The following CNTNAP2 variants were observed in gnomAD, a reference collection of about 807,000 sequenced individuals.
CNTNAP2 encodes contactin associated protein 2, also known as contactin-associated protein-like 2.
Under a neutral mutation model 155.2 loss-of-function variants are expected in CNTNAP2, and 98 were observed. That is an observed-to-expected ratio of 0.63 (90% CI 0.54 to 0.75). CNTNAP2 has a LOEUF of 0.75. Ranked by LOEUF, CNTNAP2 falls within the 30% of genes least tolerant of loss-of-function variation. CNTNAP2 has a pLI of 0.00. For synonymous variants in CNTNAP2, 651 were observed against 631.2 expected (o/e 1.03, Z -0.47); for missense variants, 1,727 against 1,688.1 (o/e 1.02, Z -0.40).
rs1799911927 is a variant in CNTNAP2, at chr7:147,903,643, A to G, written c.2177A>G (p.Gln726Arg). ...TGGGGAGGCTCTGGGCCTGGAATCC[A>G]GAAATGTGCCTGCGGCATCGAACGC... is the stretch of plus-strand genomic sequence containing the variant. ...YYWGGSGPGI[Q>R]KCACGIERNC... The change falls in exon 14 of 24, where the codon CAG (glutamine) becomes CGG (arginine). Residue 726 changes from glutamine to arginine, a missense_variant. By Grantham distance (43) the Gln-to-Arg change is conservative (BLOSUM62 1). Coordinates refer to ENST00000361727, the MANE Select transcript of CNTNAP2 (RefSeq NM_014141.6). 2 of 1,614,150 alleles carry G rather than the reference A, an allele frequency of 1.2e-6. No homozygotes were observed. The highest frequency in any genetic ancestry group is 1.3e-5 in the African/African-American group (1 of 75,064).
rs190344027 is a variant in CNTNAP2 at position 147,242,922 on chromosome 7, A to G, written c.1349-57219A>G. ...TCAGGCTACCATTCTTATGTACTTT[A>G]ACATGTTTTGATGAATTTGTGGTCA... On this transcript the variant is annotated intron_variant, in intron 8 of 23. Transcript: ENST00000361727. Among the ~76,000 whole-genome samples the G allele has an allele frequency of 2.8e-3, 405 of 144,652 alleles. 1 individual carries two copies. Among genetic ancestry groups the G allele is most frequent in the African/African-American group, 9.9e-3 (379 of 38,344 alleles). The allele number at this position is 144,652 out of a possible 152,430, so 94.9% of individuals were successfully genotyped here. A position where few individuals can be genotyped will look rare whatever the true frequency, so the allele number is the denominator to read the frequency against.
intron 3 of CNTNAP2, among the ~76,000 whole-genome samples, chr7:146,942,695 T>G (rs1171467650): frequency 2.6e-5 from 4 of 152,254 alleles, no homozygotes; most frequent in East Asian, 3.9e-4. Context: ...TTAAGAAGAA[T>G]AATAAATGAA....
At chr7:147,871,931 G>C (rs75543624) in intron 13 of CNTNAP2, among the ~76,000 whole-genome samples, 1 of 152,024 alleles carries the variant, frequency 6.6e-6, no homozygotes, top group Non-Finnish European at 1.5e-5. Flanking sequence ...CCACTACCTC[G>C]ACATGCTCCT....
At chr7:146,668,393 T>A (rs916994085) in intron 1 of CNTNAP2, among the ~76,000 whole-genome samples, 8 of 151,982 alleles carry the variant, frequency 5.3e-5, no homozygotes, top group African/African-American at 1.9e-4. Flanking sequence ...AGATTTTGCA[T>A]CTGTATTTGT....
At chr7:146,568,616 T>C (rs889079443) in intron 1 of CNTNAP2, among the ~76,000 whole-genome samples, 1 of 152,218 alleles carries the variant, frequency 6.6e-6, no homozygotes, top group African/African-American at 2.4e-5. Context: ...TCTTGTGAAG[T>C]CTGCATACAG....
At chr7:148,353,466 C>T (rs1287034345) in intron 21 of CNTNAP2, among the ~76,000 whole-genome samples, 3 of 152,310 alleles carry the variant, frequency 2.0e-5, no homozygotes, top group African/African-American at 7.2e-5. Flanking sequence ...ACAAAGCAAG[C>T]TTTACTGTGG....
intron 9 of CNTNAP2, among the ~76,000 whole-genome samples, chr7:147,393,482 T>TC (rs1248569248): frequency 7.4e-6 from 1 of 134,494 alleles, no homozygotes; most frequent in African/African-American, 2.9e-5. Context: ...TCCCAATTAT[T>TC]CAAAAAAAAA....
At chr7:147,705,993 T>G (rs1318980506) in intron 13 of CNTNAP2, among the ~76,000 whole-genome samples, 1 of 151,920 alleles carries the variant, frequency 6.6e-6, no homozygotes. Context: ...TTTTTTTTTG[T>G]CTTTTCAGCC....
At chr7:146,181,640 A>G (rs1028564603) in intron 1 of CNTNAP2, among the ~76,000 whole-genome samples, 2 of 152,184 alleles carry the variant, frequency 1.3e-5, no homozygotes, top group Non-Finnish European at 2.9e-5. Flanking sequence ...TCAGATGAAC[A>G]TTCAAAATAA....
chr7:146,204,432 G>A (rs923376295), intron 1 of CNTNAP2, among the ~76,000 whole-genome samples: 4 of 152,088 alleles, frequency 2.6e-5, no homozygotes, highest in African/African-American at 7.2e-5. Flanking sequence ...TGATATGGAT[G>A]CTTTGCATAT....
intron 10 of CNTNAP2, among the ~76,000 whole-genome samples, chr7:147,445,393 G>C (rs1462461496): frequency 1.3e-5 from 2 of 152,138 alleles, no homozygotes; most frequent in Non-Finnish European, 2.9e-5. Context: ...CACTTGGTTA[G>C]GGCGCCACAT....
intron 3 of CNTNAP2, among the ~76,000 whole-genome samples, chr7:146,911,736 G>A (rs1796286227): frequency 6.6e-6 from 1 of 151,772 alleles, no homozygotes; most frequent in Admixed American, 6.6e-5. Flanking sequence ...CAGCGCACCA[G>A]CATGGCACAT....
intron 3 of CNTNAP2, among the ~76,000 whole-genome samples, chr7:147,030,948 A>G (rs1799020570): frequency 6.6e-6 from 1 of 152,186 alleles, no homozygotes; most frequent in Non-Finnish European, 1.5e-5. Flanking sequence ...TTAATAATAT[A>G]CTTACAAATA....
intron 15 of CNTNAP2, among the ~76,000 whole-genome samples, chr7:148,008,868 G>A (rs531534331): frequency 2.6e-5 from 4 of 152,180 alleles, no homozygotes; most frequent in South Asian, 2.1e-4. Context: ...CTCCCTTCTC[G>A]TGTCCAGTTT....
chr7:147,049,140 TG>T (rs1554430113), intron 4 of CNTNAP2, among the ~76,000 whole-genome samples: 2 of 152,224 alleles, frequency 1.3e-5, no homozygotes, highest in Non-Finnish European at 2.9e-5. Flanking sequence ...GACCTACTCA[TG>T]TCTTAAAAGT....
At chr7:147,452,909 T>A (rs567515244) in intron 10 of CNTNAP2, among the ~76,000 whole-genome samples, 3 of 116,638 alleles carry the variant, frequency 2.6e-5, no homozygotes, top group Non-Finnish European at 5.1e-5. Flanking sequence ...TATAAAGGAA[T>A]GAGAAACTAG....
intron 2 of CNTNAP2, among the ~76,000 whole-genome samples, chr7:146,781,978 C>T (rs1047978702): frequency 2.0e-5 from 3 of 152,106 alleles, no homozygotes; most frequent in Non-Finnish European, 4.4e-5. Flanking sequence ...TACACATGGC[C>T]CACTCATGAC....
intron 10 of CNTNAP2, among the ~76,000 whole-genome samples, chr7:147,396,166 T>G (rs994803788): frequency 9.9e-6 from 1 of 101,056 alleles, no homozygotes; most frequent in Non-Finnish European, 1.9e-5. Flanking sequence ...ATGAGATATA[T>G]CATATATATA....
At chr7:147,814,331 A>G (rs1382652574) in intron 13 of CNTNAP2, among the ~76,000 whole-genome samples, 1 of 152,152 alleles carries the variant, frequency 6.6e-6, no homozygotes, top group East Asian at 1.9e-4. Flanking sequence ...ATCATTTATT[A>G]AATTATTTTG....
Sources: allele counts gnomAD v4.1 joint callset (sites outside exome capture counted in the v4.1 genomes callset), GRCh38; gene constraint gnomAD v4.1.1; transcripts MANE v1.5; gene names NCBI Gene and HGNC (gene_info 2026-07-23, HGNC 2026-07-21).